Variants in TMEM144 observed in about 807,000 individuals in gnomAD.
TMEM144 encodes transmembrane protein 144.
TMEM144 carries 39 observed loss-of-function variants against 43.6 expected under a neutral mutation model. The observed-to-expected ratio is 0.90, with a 90% CI of 0.69 to 1.17. TMEM144 has a LOEUF of 1.17. Ranked by LOEUF, TMEM144 falls within the 50% of genes most tolerant of loss-of-function variation. The pLI is 0.00. For synonymous variants in TMEM144, 154 were observed against 133.6 expected (o/e 1.15, Z -1.06); for missense variants, 417 against 411.9 (o/e 1.01, Z -0.11).
chr4:158,236,001 A>C (rs556655153), intron 8 of TMEM144, among the ~76,000 whole-genome samples: 1 of 152,324 alleles, frequency 6.6e-6, no homozygotes, highest in South Asian at 2.1e-4. Flanking sequence ...TATCTCCATA[A>C]GAACTCAGGG....
intron 9 of TMEM144, among the ~76,000 whole-genome samples, chr4:158,239,598 T>C (rs1404052687): frequency 6.6e-6 from 1 of 152,182 alleles, no homozygotes; most frequent in Non-Finnish European, 1.5e-5. Context: ...GCACCCCCAA[T>C]TTTTTTCATT....
At chr4:158,252,471 G>A (rs925063602) in intron 12 of TMEM144, among the ~76,000 whole-genome samples, 1 of 152,144 alleles carries the variant, frequency 6.6e-6, no homozygotes, top group African/African-American at 2.4e-5. Flanking sequence ...AGAAAAGTGT[G>A]AGCTTTACAC....
At chr4:158,251,727 G>T (rs560698308) in intron 12 of TMEM144, among the ~76,000 whole-genome samples, 1 of 152,250 alleles carries the variant, frequency 6.6e-6, no homozygotes, top group African/African-American at 2.4e-5. Context: ...TGACACCACA[G>T]TTCTGAGAAA....
intron 8 of TMEM144, among the ~76,000 whole-genome samples, chr4:158,237,031 A>G (rs1735384570): frequency 6.6e-6 from 1 of 152,224 alleles, no homozygotes; most frequent in Non-Finnish European, 1.5e-5. Flanking sequence ...GGCATTGTCA[A>G]CTAAGGCATA....
chr4:158,239,971 C>T (rs1438776740), intron 9 of TMEM144, among the ~76,000 whole-genome samples: 2 of 151,470 alleles, frequency 1.3e-5, no homozygotes, highest in Non-Finnish European at 1.5e-5. Flanking sequence ...CTTCAAGCTC[C>T]GCCTCCCAGG....
chr4:158,224,741 G>A (rs887503633), intron 6 of TMEM144, among the ~76,000 whole-genome samples: 10 of 152,008 alleles, frequency 6.6e-5, no homozygotes, highest in South Asian at 2.1e-4. Flanking sequence ...CTCATGCTTC[G>A]GCCATGCGTG....
In TMEM144 at chr4:158,232,923, A is replaced by G; in HGVS notation, c.436A>G (p.Lys146Glu). 6.2e-7 allele frequency: 1 copy of G among 1,611,890 alleles called. No individual in the cohort carries two copies. The highest frequency in any genetic ancestry group is 2.2e-5 in the East Asian group (1 of 44,806). The change falls in exon 7 of 13, where the codon AAA (lysine) becomes GAA (glutamate). Residue 146 changes from lysine to glutamate, a missense_variant. Lys to Glu is a moderately conservative substitution (Grantham distance 56). Transcript: ENST00000296529. ...VVSAFIFLFI[K>E]SEIPNNTCSM... ...CAGTGCTTTCATATTTTTGTTCATC[A>G]AAAGTGAAATACCAAATAACACGTG...
At chr4:158,237,454 G>T (rs750666480) in intron 8 of TMEM144, 71 bp from the exon 9 acceptor site, 49 of 1,189,262 alleles carry the variant, frequency 4.1e-5, no homozygotes, top group Non-Finnish European at 5.5e-5. Context: ...GCATGTTTAT[G>T]ATTCCATTTG....
intron 3 of TMEM144, 132 bp from the exon 4 acceptor site, chr4:158,215,059 A>C: frequency 9.2e-7 from 1 of 1,083,824 alleles, no homozygotes; most frequent in South Asian, 1.6e-5. Flanking sequence ...TAAGAATGAA[A>C]TGTGCAAAGT....
chr4:158,213,067 T>C, intron 3 of TMEM144: 1 of 477,962 alleles, frequency 2.1e-6, no homozygotes, highest in South Asian at 2.9e-5. Context: ...AACACCTGTT[T>C]TGAAAACATG....
At chr4:158,253,000 C>T (rs1736286963) in intron 12 of TMEM144, among the ~76,000 whole-genome samples, 1 of 152,042 alleles carries the variant, frequency 6.6e-6, no homozygotes, top group Admixed American at 6.6e-5. Flanking sequence ...TTCCTTCTAC[C>T]TGGAATCTCT....
chr4:158,229,893 C>T (rs1011105471), intron 6 of TMEM144, among the ~76,000 whole-genome samples: 4 of 152,212 alleles, frequency 2.6e-5, no homozygotes, highest in Non-Finnish European at 4.4e-5. Context: ...CTGGATGCTA[C>T]CCTTCCCTCA....
At chr4:158,238,545 A>G (rs546216852) in intron 9 of TMEM144, among the ~76,000 whole-genome samples, 2 of 152,354 alleles carry the variant, frequency 1.3e-5, no homozygotes, top group African/African-American at 4.8e-5. Context: ...AAAAAGATAG[A>G]AATTAATAAA....
intron 8 of TMEM144, among the ~76,000 whole-genome samples, chr4:158,237,022 G>A (rs1401618309): frequency 6.6e-6 from 1 of 152,128 alleles, no homozygotes; most frequent in Non-Finnish European, 1.5e-5. Context: ...CTTGACCATG[G>A]CATTGTCAAC....
In TMEM144 at chr4:158,244,601, C is replaced by T. The variant is rs1735794976; in HGVS notation, c.954+252C>T. Among the ~76,000 whole-genome samples, 3 of 152,006 alleles carry T rather than the reference C, an allele frequency of 2.0e-5. No individual in the cohort carries two copies. The South Asian group carries it at 6.2e-4, about 32-fold the overall frequency. ...CAGAGAATTGCTTGAACCCGGGAGG[C>T]GGAGGTTGCAGTGAGTCAAGATCAC... On this transcript the variant is annotated intron_variant, in intron 12 of 12. Transcript: ENST00000296529.
chr4:158,215,369 C>A, intron 4 of TMEM144, 56 bp downstream of exon 4: 1 of 1,580,398 alleles, frequency 6.3e-7, no homozygotes, highest in Middle Eastern at 1.7e-4. Flanking sequence ...AAAAATAATT[C>A]TCGTTCACAA....
At chr4:158,240,809 T>C (rs1461361776) in intron 10 of TMEM144, among the ~76,000 whole-genome samples, 2 of 152,218 alleles carry the variant, frequency 1.3e-5, no homozygotes, top group African/African-American at 2.4e-5. Context: ...GGAAAACAGT[T>C]TCTACAAAAT....
chr4:158,235,364 C>G (rs1006127046), intron 7 of TMEM144, 74 bp from the exon 8 acceptor site: 1 of 1,485,610 alleles, frequency 6.7e-7, no homozygotes, highest in Non-Finnish European at 9.3e-7. Flanking sequence ...GAGAAAAGCA[C>G]TAGAAATATT....
rs922742808 is a variant in TMEM144, at chr4:158,211,469, C to G, written c.-166C>G. 6 of 152,202 alleles carry G rather than the reference C, an allele frequency of 3.9e-5. No homozygotes were observed. Among genetic ancestry groups the G allele is most frequent in the African/African-American group, 1.4e-4 (6 of 41,450 alleles). The allele number at this position is 152,202 out of a possible 1,614,324, so 9.4% of individuals were successfully genotyped here. A position where few individuals can be genotyped will look rare whatever the true frequency, so the allele number is the denominator to read the frequency against. ...TCTTTTTAGTCATAGGTTAGCTTTT[C>G]AAGACACTTCCTGCATCTCTGACCT... On this transcript the variant is annotated 5_prime_UTR_variant, in exon 2 of 13. Transcript: ENST00000296529.
Sources: gnomAD v4.1 joint callset for allele counts (sites outside exome capture counted in the v4.1 genomes callset) on GRCh38, gnomAD v4.1.1 for gene constraint, MANE v1.5 for transcripts, NCBI Gene and HGNC (gene_info 2026-07-23, HGNC 2026-07-21) for gene names.